Variants in GRID2 observed in about 807,000 individuals in gnomAD.
The protein encoded by GRID2 is glutamate ionotropic receptor delta type subunit 2.
A neutral mutation model predicts 114.8 loss-of-function variants in GRID2; 33 were observed. The observed-to-expected ratio is 0.29, with a 90% CI of 0.22 to 0.38. The LOEUF is 0.38. Among genes scored for constraint, GRID2 ranks in the 10% least tolerant of loss-of-function variants. GRID2 has a pLI of 1.00. For synonymous variants in GRID2, 505 were observed against 449.9 expected, an observed-to-expected ratio of 1.12 and a Z score of -1.55; for missense variants, 1,184 against 1,257.7, an observed-to-expected ratio of 0.94 and a Z score of 0.89.
At chr4:93,456,458 T>A (rs1723206132) in intron 11 of GRID2, among the ~76,000 whole-genome samples, 1 of 152,214 alleles carries the variant, frequency 6.6e-6, no homozygotes, top group Non-Finnish European at 1.5e-5. Context: ...AGAAATTTTG[T>A]GTTTTATCTT....
chr4:93,431,522 T>C (rs1295689348), intron 10 of GRID2, among the ~76,000 whole-genome samples: 1 of 152,214 alleles, frequency 6.6e-6, no homozygotes, highest in African/African-American at 2.4e-5. Context: ...AAATGTTCAC[T>C]AGATTGGCCA....
intron 1 of GRID2, among the ~76,000 whole-genome samples, chr4:92,467,194 C>T (rs564059957): frequency 6.6e-6 from 1 of 151,644 alleles, no homozygotes; most frequent in Admixed American, 6.6e-5. Context: ...GTGAAAATAC[C>T]TATGAAGTAT....
chr4:92,609,641 A>G (rs1729628132), intron 2 of GRID2, among the ~76,000 whole-genome samples: 1 of 150,530 alleles, frequency 6.6e-6, no homozygotes, highest in Non-Finnish European at 1.5e-5. Context: ...ATATATAATA[A>G]TAGTAGATCA....
intron 1 of GRID2, among the ~76,000 whole-genome samples, chr4:92,551,322 A>T (rs1477227597): frequency 6.7e-6 from 1 of 150,362 alleles, no homozygotes; most frequent in African/African-American, 2.5e-5. Flanking sequence ...GACTAACACA[A>T]TGAAATGTTA....
intron 1 of GRID2, among the ~76,000 whole-genome samples, chr4:92,516,315 A>C (rs1724498671): frequency 6.6e-6 from 1 of 151,822 alleles, no homozygotes; most frequent in South Asian, 2.1e-4. Flanking sequence ...CAATTCTTTG[A>C]ATTCTAGGAG....
chr4:92,973,467 T>C (rs545266238), intron 2 of GRID2, among the ~76,000 whole-genome samples: 4 of 152,308 alleles, frequency 2.6e-5, no homozygotes, highest in Admixed American at 2.0e-4. Flanking sequence ...TCAGTATTGC[T>C]AAAGAGAATT....
intron 14 of GRID2, among the ~76,000 whole-genome samples, chr4:93,768,980 G>C (rs1379860465): frequency 6.6e-6 from 1 of 151,560 alleles, no homozygotes; most frequent in African/African-American, 2.4e-5. Context: ...AGATGGGAGG[G>C]TGGGATGGGT....
chr4:92,786,727 T>C (rs926040217), intron 2 of GRID2, among the ~76,000 whole-genome samples: 2 of 151,960 alleles, frequency 1.3e-5, no homozygotes, highest in South Asian at 4.1e-4. Flanking sequence ...TGATGCTGTA[T>C]TCATTATTAC....
intron 2 of GRID2, among the ~76,000 whole-genome samples, chr4:92,971,283 A>T (rs1194182977): frequency 6.6e-6 from 1 of 152,080 alleles, no homozygotes; most frequent in African/African-American, 2.4e-5. Flanking sequence ...AAGAGCAGGG[A>T]CATAGGCACT....
chr4:92,668,071 C>T (rs1732876085), intron 2 of GRID2, among the ~76,000 whole-genome samples: 1 of 151,658 alleles, frequency 6.6e-6, no homozygotes, highest in South Asian at 2.1e-4. Flanking sequence ...AGTGATAAAG[C>T]TTAAGTGAAG....
chr4:92,594,007 T>C (rs769396485), intron 2 of GRID2, among the ~76,000 whole-genome samples: 10 of 151,678 alleles, frequency 6.6e-5, no homozygotes, highest in Non-Finnish European at 1.2e-4. Context: ...TCTGGTTGAA[T>C]ATTTTCACAA....
chr4:93,190,020 T>G (rs1740833667), intron 4 of GRID2, among the ~76,000 whole-genome samples: 1 of 152,186 alleles, frequency 6.6e-6, no homozygotes, highest in African/African-American at 2.4e-5. Flanking sequence ...TTACAACTAC[T>G]GAAGTTCAAA....
At chr4:92,589,922 A>G (rs1488728192) in intron 1 of GRID2, among the ~76,000 whole-genome samples, 1 of 152,180 alleles carries the variant, frequency 6.6e-6, no homozygotes, top group East Asian at 1.9e-4. Flanking sequence ...ACTTTGAGGT[A>G]CTATTTATCA....
At chr4:93,044,198 A>G (rs978951302) in intron 2 of GRID2, among the ~76,000 whole-genome samples, 11 of 152,194 alleles carry the variant, frequency 7.2e-5, no homozygotes, top group East Asian at 1.9e-4. Context: ...AGTTTATACA[A>G]ATTGTTAGAA....
intron 2 of GRID2, among the ~76,000 whole-genome samples, chr4:93,068,590 G>A (rs1307686861): frequency 1.3e-5 from 2 of 151,848 alleles, no homozygotes; most frequent in Admixed American, 1.3e-4. Flanking sequence ...AAAGATATAG[G>A]GAAGAGAATG....
At chr4:92,768,696 G>A (rs1251372531) in intron 2 of GRID2, among the ~76,000 whole-genome samples, 2 of 152,168 alleles carry the variant, frequency 1.3e-5, no homozygotes, top group East Asian at 1.9e-4. Context: ...AGCAACTCAC[G>A]TCTTACAAGA....
chr4:92,576,528 C>T (rs538723008), intron 1 of GRID2, among the ~76,000 whole-genome samples: 2 of 152,206 alleles, frequency 1.3e-5, no homozygotes, highest in African/African-American at 2.4e-5. Flanking sequence ...AGGGACATCT[C>T]CTAGGAAGGA....
At chr4:92,579,680 A>T (rs12513051) in intron 1 of GRID2, among the ~76,000 whole-genome samples, 1 of 151,712 alleles carries the variant, frequency 6.6e-6, no homozygotes, top group Non-Finnish European at 1.5e-5. Context: ...ATGAGGATTA[A>T]GAGAGATAAC....
At chr4:93,233,110 A>G (rs1015485123) in intron 7 of GRID2, among the ~76,000 whole-genome samples, 2 of 152,074 alleles carry the variant, frequency 1.3e-5, no homozygotes, top group African/African-American at 4.8e-5. Context: ...AGGGGAAGGA[A>G]GAATGCCTCA....
Sources: allele counts gnomAD v4.1 joint callset (sites outside exome capture counted in the v4.1 genomes callset), GRCh38; gene constraint gnomAD v4.1.1; transcripts MANE v1.5; gene names NCBI Gene and HGNC (gene_info 2026-07-23, HGNC 2026-07-21).